The following SLC4A10 variants were observed in gnomAD, a reference collection of about 807,000 sequenced individuals.
SLC4A10 encodes the protein solute carrier family 4 member 10, also known as sodium-driven chloride bicarbonate exchanger.
In SLC4A10, 42 loss-of-function variants were observed where a neutral mutation model predicts 137.7. That is an observed-to-expected ratio of 0.30 (90% CI 0.24 to 0.39). SLC4A10 has a LOEUF of 0.39. Ranked by LOEUF, SLC4A10 falls within the 10% of genes least tolerant of loss-of-function variation. The pLI is 1.00. For missense variants in SLC4A10, 925 were observed against 1,355.0 expected, an observed-to-expected ratio of 0.68 and a Z score of 4.98; for synonymous variants, 474 against 464.1, an observed-to-expected ratio of 1.02 and a Z score of -0.27.
rs1158358577 is a variant in SLC4A10 at position 161,873,975 on chromosome 2, A to G, written c.918A>G (p.Glu306=). The G allele has an allele frequency of 6.3e-7, 1 of 1,594,078 alleles. No homozygotes were observed. Among genetic ancestry groups the G allele is most frequent in the Admixed American group, 1.7e-5 (1 of 59,572 alleles). The change falls in exon 8 of 27, where the codon GAA becomes GAG. Residue 306 remains glutamate (E), a synonymous_variant. Coordinates refer to ENST00000446997, the MANE Select transcript of SLC4A10 (RefSeq NM_001178015.2). ...CATGTGGGATGAAACAAAGGCATGA[A>G]AAAGGACCTCCACACCAGCAAGAGA... ...TSPCGMKQRH[E]KGPPHQQERE... is the part of the protein sequence containing the mutation.
intron 2 of SLC4A10, among the ~76,000 whole-genome samples, chr2:161,783,240 C>A (rs2053249001): frequency 6.6e-6 from 1 of 151,888 alleles, no homozygotes; most frequent in African/African-American, 2.4e-5. Flanking sequence ...AACTGTCCTT[C>A]AACCAGGAAA....
At chr2:161,771,699 A>G (rs1011937421) in intron 2 of SLC4A10, among the ~76,000 whole-genome samples, 3 of 151,926 alleles carry the variant, frequency 2.0e-5, no homozygotes, top group Admixed American at 6.6e-5. Flanking sequence ...ATGAGAATTA[A>G]GGGAAAATTA....
chr2:161,870,462 G>C (rs902031605), intron 6 of SLC4A10, among the ~76,000 whole-genome samples: 11 of 151,792 alleles, frequency 7.2e-5, no homozygotes, highest in African/African-American at 2.6e-4. Context: ...TTATAAGAAA[G>C]CAGATATGTG....
At chr2:161,643,906 A>T (rs1051604591) in intron 1 of SLC4A10, among the ~76,000 whole-genome samples, 1 of 152,100 alleles carries the variant, frequency 6.6e-6, no homozygotes, top group Non-Finnish European at 1.5e-5. Context: ...AATAAGAGAG[A>T]TGGTTCAAAA....
intron 4 of SLC4A10, among the ~76,000 whole-genome samples, chr2:161,847,092 A>AG (rs879757243): frequency 1.1e-4 from 17 of 151,330 alleles, no homozygotes; most frequent in Admixed American, 2.0e-4. Context: ...ATACAAAAAA[A>AG]AAAAAGCCAG....
At chr2:161,718,015 TC>T (rs538809822) in intron 1 of SLC4A10, among the ~76,000 whole-genome samples, 193 of 152,268 alleles carry the variant, frequency 1.3e-3, no homozygotes, top group African/African-American at 4.6e-3. Context: ...GGAATCAACT[TC>T]TTTGTGGGTC....
intron 1 of SLC4A10, among the ~76,000 whole-genome samples, chr2:161,749,466 A>G (rs928005292): frequency 6.6e-6 from 1 of 151,982 alleles, no homozygotes; most frequent in East Asian, 1.9e-4. Context: ...TATCATAAAA[A>G]GGATGTTGAT....
intron 10 of SLC4A10, among the ~76,000 whole-genome samples, chr2:161,884,185 G>A (rs1482800770): frequency 1.3e-5 from 2 of 152,016 alleles, no homozygotes; most frequent in Non-Finnish European, 2.9e-5. Flanking sequence ...TATGATTTAA[G>A]TATTATCACT....
At chr2:161,690,140 G>A (rs950001665) in intron 1 of SLC4A10, among the ~76,000 whole-genome samples, 1 of 152,162 alleles carries the variant, frequency 6.6e-6, no homozygotes, top group African/African-American at 2.4e-5. Flanking sequence ...TAAGGGACAT[G>A]AACAGACACT....
chr2:161,684,698 A>G (rs1048349832), intron 1 of SLC4A10, among the ~76,000 whole-genome samples: 1 of 152,220 alleles, frequency 6.6e-6, no homozygotes, highest in Non-Finnish European at 1.5e-5. Flanking sequence ...CAGGGATTCA[A>G]TGAAAATGCT....
chr2:161,655,789 T>C (rs745405286), intron 1 of SLC4A10, among the ~76,000 whole-genome samples: 21 of 151,418 alleles, frequency 1.4e-4, no homozygotes, highest in Admixed American at 2.0e-4. Context: ...TACTAGCGAA[T>C]TGTAGTCAAC....
At chr2:161,677,115 C>A (rs1036155303) in intron 1 of SLC4A10, among the ~76,000 whole-genome samples, 1 of 152,058 alleles carries the variant, frequency 6.6e-6, no homozygotes, top group Non-Finnish European at 1.5e-5. Context: ...GGCTTGGTAG[C>A]ATTCTTGTGG....
At chr2:161,702,202 T>G (rs1314942967) in intron 1 of SLC4A10, among the ~76,000 whole-genome samples, 1 of 151,866 alleles carries the variant, frequency 6.6e-6, no homozygotes, top group South Asian at 2.1e-4. Flanking sequence ...ATATAAACAA[T>G]GAAATATTAT....
intron 5 of SLC4A10, among the ~76,000 whole-genome samples, chr2:161,861,248 G>T (rs889342362): frequency 6.6e-6 from 1 of 152,140 alleles, no homozygotes; most frequent in African/African-American, 2.4e-5. Flanking sequence ...GATGGGCAGG[G>T]CTATGTCAGT....
Position 161,949,323 on chromosome 2 carries a change from C to G in SLC4A10, c.2379+62C>G, listed in dbSNP as rs969396070. 5.6e-6 allele frequency: 6 copies of G among 1,069,316 alleles called. No individual in the cohort carries two copies. In the South Asian group the frequency reaches 6.7e-5, roughly 12 times the overall value. The allele number at this position is 1,069,316 out of a possible 1,614,324, so 66.2% of individuals were successfully genotyped here. On this transcript the variant is annotated intron_variant, in intron 18 of 26. Coordinates refer to ENST00000446997, the MANE Select transcript of SLC4A10 (RefSeq NM_001178015.2). ...GGTCTAATCTTCATTTAGATGATAC[C>G]TATAACTCTAGTACTTAGGATTTTC... is the stretch of plus-strand genomic sequence containing the variant.
chr2:161,738,629 A>G (rs1288749906), intron 1 of SLC4A10, among the ~76,000 whole-genome samples: 1 of 152,248 alleles, frequency 6.6e-6, no homozygotes, highest in Non-Finnish European at 1.5e-5. Context: ...CAAACCTACA[A>G]GAAGGAAGCT....
chr2:161,813,744 T>G (rs1274533550), intron 3 of SLC4A10, among the ~76,000 whole-genome samples: 1 of 152,164 alleles, frequency 6.6e-6, no homozygotes, highest in Non-Finnish European at 1.5e-5. Context: ...CAAATAAAAA[T>G]AAGCTGTATT....
At position 161,957,251 on chromosome 2, in the gene SLC4A10, C is replaced by A; in HGVS notation, c.2793+11C>A. ...ACCAGTATTCTGAAGGTAACAAAAT[C>A]TGTCTTTATGAACTTGAGAGAAAGA... is the stretch of plus-strand genomic sequence containing the variant. On this transcript the variant is annotated intron_variant, in intron 20 of 26. Coordinates refer to ENST00000446997, the MANE Select transcript of SLC4A10 (RefSeq NM_001178015.2). The A allele has an allele frequency of 6.2e-7, 1 of 1,609,070 alleles. No homozygotes were observed. Among genetic ancestry groups the A allele is most frequent in the East Asian group, 2.2e-5 (1 of 44,796 alleles).
At chr2:161,749,685 A>G (rs905695056) in intron 1 of SLC4A10, among the ~76,000 whole-genome samples, 3 of 151,832 alleles carry the variant, frequency 2.0e-5, no homozygotes, top group African/African-American at 4.8e-5. Context: ...AGGATTCTGC[A>G]TGTATATTCA....
Sources: gnomAD v4.1 joint callset for allele counts (sites outside exome capture counted in the v4.1 genomes callset) on GRCh38, gnomAD v4.1.1 for gene constraint, MANE v1.5 for transcripts, NCBI Gene and HGNC (gene_info 2026-07-23, HGNC 2026-07-21) for gene names.